Variants in CSMD3 observed in about 807,000 individuals in gnomAD.
CSMD3 encodes the protein CUB and sushi domain-containing protein 3.
Under a neutral mutation model 435.2 loss-of-function variants are expected in CSMD3, and 177 were observed. The observed-to-expected ratio is 0.41, with a 90% CI of 0.36 to 0.46. The LOEUF (loss-of-function observed/expected upper bound fraction) is 0.46, where lower values mean the gene tolerates loss of function less well. Ranked by LOEUF, CSMD3 falls within the 20% of genes least tolerant of loss-of-function variation. CSMD3 has a pLI of 0.34. For missense variants in CSMD3, 4,265 were observed against 4,504.6 expected (o/e 0.95, Z 1.52); for synonymous variants, 1,656 against 1,520.5 (o/e 1.09, Z -2.07).
intron 2 of CSMD3, among the ~76,000 whole-genome samples, chr8:113,285,220 G>A (rs2093637433): frequency 6.6e-6 from 1 of 150,764 alleles, no homozygotes; most frequent in Non-Finnish European, 1.5e-5. Flanking sequence ...TTAAAGGTGA[G>A]TAAGGCAATG....
At position 113,288,623 on chromosome 8, in the gene CSMD3, C is replaced by A. The variant is rs998340632; in HGVS notation, c.402-9919G>T. Among the ~76,000 whole-genome samples the A allele has an allele frequency of 2.6e-5, 4 of 151,854 alleles. No individual in the cohort carries two copies. In the East Asian group the frequency reaches 5.8e-4, roughly 22 times the overall value. On this transcript the variant is annotated intron_variant, in intron 2 of 70. Coordinates refer to ENST00000297405, the MANE Select transcript of CSMD3 (RefSeq NM_198123.2). ...AGAAATACAGGAAAATTATGTAGAGCAATTAATCAATTTAAATATATTTTA... is the reference window on the plus strand; with the variant it reads ...AGAAATACAGGAAAATTATGTAGAGAAATTAATCAATTTAAATATATTTTA...
At chr8:112,583,493 A>G (rs1830486595) in intron 23 of CSMD3, among the ~76,000 whole-genome samples, 1 of 152,144 alleles carries the variant, frequency 6.6e-6, no homozygotes, top group South Asian at 2.1e-4. Context: ...AACAAAATAT[A>G]GTTCATATAT....
chr8:112,820,764 G>A (rs1395245870), intron 12 of CSMD3, among the ~76,000 whole-genome samples: 3 of 151,730 alleles, frequency 2.0e-5, no homozygotes, highest in Non-Finnish European at 2.9e-5. Flanking sequence ...TAGGTTTTAA[G>A]TCCCATATGC....
intron 1 of CSMD3, among the ~76,000 whole-genome samples, chr8:113,346,615 T>C (rs1445188361): frequency 1.3e-5 from 2 of 152,144 alleles, no homozygotes; most frequent in Non-Finnish European, 1.5e-5. Flanking sequence ...TAGTTATGAC[T>C]TTTGATCTCT....
At chr8:113,058,549 A>C (rs2088454861) in intron 5 of CSMD3, among the ~76,000 whole-genome samples, 1 of 151,984 alleles carries the variant, frequency 6.6e-6, no homozygotes, top group Admixed American at 6.6e-5. Context: ...GGAATAAGTC[A>C]ATTTATTCAT....
intron 2 of CSMD3, among the ~76,000 whole-genome samples, chr8:113,295,181 G>A (rs908797844): frequency 7.2e-5 from 11 of 151,978 alleles, no homozygotes; most frequent in African/African-American, 9.7e-5. Context: ...TGTTATAAAC[G>A]TCCCAATTAT....
At chr8:112,678,703 A>C (rs1034079089) in intron 16 of CSMD3, among the ~76,000 whole-genome samples, 1 of 132,926 alleles carries the variant, frequency 7.5e-6, no homozygotes, top group Non-Finnish European at 1.6e-5. Flanking sequence ...AATACACAAC[A>C]ATCCATATAT....
At chr8:112,408,826 T>G in intron 33 of CSMD3, 93 bp downstream of exon 33, 2 of 1,595,644 alleles carry the variant, frequency 1.3e-6, no homozygotes, top group East Asian at 4.5e-5. Flanking sequence ...TTATTTCTTA[T>G]ATTGATGATA....
At chr8:112,763,380 T>C (rs892827837) in intron 13 of CSMD3, among the ~76,000 whole-genome samples, 5 of 151,342 alleles carry the variant, frequency 3.3e-5, no homozygotes, top group African/African-American at 9.7e-5. Flanking sequence ...AAAACTCCTA[T>C]AGAATATTGT....
intron 5 of CSMD3, among the ~76,000 whole-genome samples, chr8:113,089,072 A>G (rs1283414655): frequency 2.0e-5 from 3 of 151,746 alleles, no homozygotes; most frequent in Non-Finnish European, 4.4e-5. Context: ...GGGTCTTGCT[A>G]TGTAGCCCAG....
At chr8:113,427,002 C>T (rs1213103531) in intron 1 of CSMD3, among the ~76,000 whole-genome samples, 1 of 151,046 alleles carries the variant, frequency 6.6e-6, no homozygotes, top group Admixed American at 6.6e-5. Context: ...TATCCTATGA[C>T]TAATACAAAT....
At chr8:113,121,267 A>T (rs754868697) in intron 4 of CSMD3, among the ~76,000 whole-genome samples, 1 of 152,120 alleles carries the variant, frequency 6.6e-6, no homozygotes, top group Non-Finnish European at 1.5e-5. Context: ...AGTCATGCAC[A>T]ATCAACTGTG....
At chr8:113,067,523 A>T (rs1359127544) in intron 5 of CSMD3, among the ~76,000 whole-genome samples, 1 of 152,106 alleles carries the variant, frequency 6.6e-6, no homozygotes, top group Non-Finnish European at 1.5e-5. Flanking sequence ...TGCAAAAATT[A>T]TTACAATTTT....
intron 27 of CSMD3, among the ~76,000 whole-genome samples, chr8:112,542,757 A>C (rs932446657): frequency 1.3e-5 from 2 of 152,160 alleles, no homozygotes; most frequent in African/African-American, 4.8e-5. Flanking sequence ...TTGAATAGTC[A>C]AATCAGTTTT....
chr8:112,681,966 GA>G (rs907764636), intron 16 of CSMD3, among the ~76,000 whole-genome samples: 60 of 151,866 alleles, frequency 4.0e-4, no homozygotes, highest in African/African-American at 1.4e-3. Flanking sequence ...AATAAAAACT[GA>G]AAAAAATTAG....
chr8:113,189,388 G>A (rs922641724), intron 3 of CSMD3, among the ~76,000 whole-genome samples: 1 of 151,622 alleles, frequency 6.6e-6, no homozygotes, highest in African/African-American at 2.4e-5. Flanking sequence ...CTGTATTTCA[G>A]GCTTTATTCA....
chr8:112,546,634 A>G (rs935972191), intron 27 of CSMD3, among the ~76,000 whole-genome samples: 10 of 152,192 alleles, frequency 6.6e-5, no homozygotes, highest in Admixed American at 1.3e-4. Flanking sequence ...ATGATACCCA[A>G]TGATATCTTC....
intron 4 of CSMD3, among the ~76,000 whole-genome samples, chr8:113,164,499 A>T (rs547338306): frequency 9.8e-4 from 149 of 151,924 alleles, no homozygotes; most frequent in Middle Eastern, 3.4e-3. Flanking sequence ...TTTTACATAC[A>T]TAAAAATTAT....
intron 6 of CSMD3, among the ~76,000 whole-genome samples, chr8:113,008,713 T>G (rs1434940574): frequency 1.3e-5 from 2 of 151,654 alleles, no homozygotes; most frequent in African/African-American, 4.8e-5. Flanking sequence ...TACTATATAT[T>G]GATACTAAAA....
Sources: gnomAD v4.1 joint callset for allele counts (sites outside exome capture counted in the v4.1 genomes callset) on GRCh38, gnomAD v4.1.1 for gene constraint, MANE v1.5 for transcripts, NCBI Gene and HGNC (gene_info 2026-07-23, HGNC 2026-07-21) for gene names.